The following NRBP1 variants were observed in gnomAD, a reference collection of about 807,000 sequenced individuals.
The protein encoded by NRBP1 is nuclear receptor-binding protein.
Under a neutral mutation model 76.0 loss-of-function variants are expected in NRBP1, and 10 were observed. The observed-to-expected ratio is 0.13, with a 90% CI of 0.08 to 0.22. The LOEUF (loss-of-function observed/expected upper bound fraction) is 0.22, where lower values mean the gene tolerates loss of function less well. Ranked by LOEUF, NRBP1 falls within the 10% of genes least tolerant of loss-of-function variation. The probability of loss-of-function intolerance (pLI) is 1.00; values close to 1 mark genes in which losing one functional copy is unlikely to be tolerated. For synonymous variants in NRBP1, 235 were observed against 240.2 expected (o/e 0.98, Z 0.20); for missense variants, 344 against 646.0 (o/e 0.53, Z 5.07).
rs1664185776 is a variant in NRBP1 at position 27,433,462 on chromosome 2, C to G, written c.189C>G (p.Arg63=). ...SEILEESPCG[R]WQKRREEVNQ... The stretch of plus-strand genomic sequence containing the variant: ...TTTTGGAAGAGTCGCCCTGTGGGCG[C>G]TGGCAGAAGAGGCGAGAAGAGGTAA... Residue 63 remains arginine (R), a synonymous_variant, in exon 2 of 18, where the codon CGC becomes CGG. Coordinates refer to ENST00000379852, the MANE Select transcript of NRBP1 (RefSeq NM_013392.4). The G allele has an allele frequency of 6.2e-7, 1 of 1,614,194 alleles. No individual in the cohort carries two copies. The highest frequency in any genetic ancestry group is 8.5e-7 in the Non-Finnish European group (1 of 1,180,022).
upstream of NRBP1, chr2:27,428,583 C>T (rs1222978674): frequency 2.5e-6 from 1 of 397,392 alleles, no homozygotes; most frequent in Non-Finnish European, 4.4e-6. Flanking sequence ...GGCGGTGCGG[C>T]ACCGCCCATC....
chr2:27,437,929 G>A (rs1056666174), intron 10 of NRBP1, among the ~76,000 whole-genome samples: 2 of 151,686 alleles, frequency 1.3e-5, no homozygotes, highest in Non-Finnish European at 2.9e-5. Context: ...GCTCACACCT[G>A]TAATCCCAGC....
At chr2:27,436,571 G>A (rs1014394444) in intron 7 of NRBP1, 182 bp from the exon 8 acceptor site, 6 of 592,826 alleles carry the variant, frequency 1.0e-5, no homozygotes, top group Middle Eastern at 2.8e-4. Flanking sequence ...CTAAGAAAGG[G>A]GAGGTAGGTG....
intron 7 of NRBP1, chr2:27,436,140 T>C: frequency 3.2e-6 from 1 of 308,942 alleles, no homozygotes; most frequent in Admixed American, 4.4e-5. Context: ...AGAACAGGAG[T>C]CTAAAATGTT....
At chr2:27,437,729 C>T (rs1019186429) in intron 10 of NRBP1, among the ~76,000 whole-genome samples, 2 of 151,470 alleles carry the variant, frequency 1.3e-5, no homozygotes, top group African/African-American at 4.9e-5. Context: ...AAAAATTAGC[C>T]AGGCTTGGTG....
chr2:27,436,038 G>A (rs540930390), intron 7 of NRBP1: 8 of 544,394 alleles, frequency 1.5e-5, no homozygotes, highest in East Asian at 9.4e-5. Context: ...GTGACTTGTA[G>A]TCATTGTTTA....
intron 2 of NRBP1, 50 bp from the exon 3 acceptor site, chr2:27,433,623 G>A: frequency 6.2e-7 from 1 of 1,612,260 alleles, no homozygotes; most frequent in East Asian, 2.2e-5. Flanking sequence ...TGTTAAAATG[G>A]AGGATTTGTG....
chr2:27,440,311 C>CA (rs953314271), intron 11 of NRBP1, 92 bp from the exon 12 acceptor site: 21 of 906,024 alleles, frequency 2.3e-5, no homozygotes, highest in African/African-American at 8.1e-5. Context: ...GCCAGGCCTC[C>CA]AAAGGGATTC....
At chr2:27,436,394 G>A (rs1664308479) in intron 7 of NRBP1, 1 of 223,262 alleles carries the variant, frequency 4.5e-6, no homozygotes, top group African/African-American at 2.3e-5. Flanking sequence ...CATGTGAGCA[G>A]GGATTAGAGG....
intron 3 of NRBP1, 40 bp downstream of exon 3, chr2:27,433,835 A>G (rs774082552): frequency 3.1e-6 from 5 of 1,613,712 alleles, no homozygotes; most frequent in Admixed American, 1.7e-5. Flanking sequence ...GGAATGTTGG[A>G]ACACTGATGT....
At position 27,441,267 on chromosome 2, in the gene NRBP1, C is replaced by A; in HGVS notation, c.1384C>A (p.Leu462Met). The change falls in exon 16 of 18, where the codon CTG becomes ATG. Residue 462 changes from leucine to methionine, a missense_variant and splice_region_variant. Physicochemically the swap from Leu to Met is conservative, Grantham distance 15. Around this residue, in one of 3 missense-constraint regions of NRBP1, gnomAD observed 218 missense variants for 309.8 expected, o/e 0.70. Coordinates refer to ENST00000379852, the MANE Select transcript of NRBP1 (RefSeq NM_013392.4). The part of the protein sequence containing the change: ...ESVEEGVKHH[L>M]TLLLKLEDKL... ...ATTTTCTGACTGTCCTATTCTCCAGCTGACACTTCTGCTGAAGTTGGAGGA... is the reference window on the plus strand; with the variant it reads ...ATTTTCTGACTGTCCTATTCTCCAGATGACACTTCTGCTGAAGTTGGAGGA... 1 of 1,614,094 alleles carries A rather than the reference C, an allele frequency of 6.2e-7. No individual in the cohort carries two copies. Among genetic ancestry groups the A allele is most frequent in the Non-Finnish European group, 8.5e-7 (1 of 1,180,002 alleles).
chr2:27,439,224 A>T (rs1664427351), intron 10 of NRBP1, among the ~76,000 whole-genome samples: 1 of 152,114 alleles, frequency 6.6e-6, no homozygotes, highest in African/African-American at 2.4e-5. Flanking sequence ...GCGGTGTCTC[A>T]TGCCTGTAAT....
At position 27,434,113 on chromosome 2, in the gene NRBP1, T is replaced by G. The variant is rs759234243; in HGVS notation, c.435+23T>G. The G allele has an allele frequency of 5.8e-6, 9 of 1,544,968 alleles. No homozygotes were observed. In the East Asian group the frequency reaches 2.0e-4, roughly 35 times the overall value. ...AGGGTAAGAATTTTTTCCCCATATT[T>G]CCTGAACTTATTGCAAAGAGACTAG... On this transcript the variant is annotated intron_variant, in intron 4 of 17. Transcript: ENST00000379852.
upstream of NRBP1, chr2:27,428,433 C>T (rs1336500902): frequency 1.3e-5 from 5 of 384,896 alleles, no homozygotes; most frequent in African/African-American, 6.2e-5. Flanking sequence ...CGAGCCCCAG[C>T]TGGGACCGAA....
Position 27,442,089 on chromosome 2 carries a change from C to G in NRBP1, c.*277C>G, listed in dbSNP as rs1325827629. ...GGGGCTAGTCGCTGATCTGCCGGCT[C>G]CCGCCCAGCCTGTGTGGAAAGGAGG... On this transcript the variant is annotated 3_prime_UTR_variant, in exon 18 of 18. Transcript: ENST00000379852. 1 of 531,654 alleles carries G rather than the reference C, an allele frequency of 1.9e-6. No homozygotes were observed. Among genetic ancestry groups the G allele is most frequent in the South Asian group, 2.8e-5 (1 of 35,614 alleles). 32.9% of individuals were successfully genotyped at this position (531,654 alleles called of 1,614,324 possible).
intron 5 of NRBP1, 43 bp from the exon 6 acceptor site, chr2:27,434,679 G>A (rs1275618636): frequency 1.2e-6 from 2 of 1,612,650 alleles, no homozygotes; most frequent in Non-Finnish European, 1.7e-6. Flanking sequence ...AGAGAGTTAA[G>A]AGAGGGAATT....
chr2:27,435,694 C>T (rs1205511785), intron 7 of NRBP1: 1 of 717,710 alleles, frequency 1.4e-6, no homozygotes, highest in Non-Finnish European at 2.6e-6. Context: ...TTCCTCCCTC[C>T]CGCTTACGGG....
intron 1 of NRBP1, among the ~76,000 whole-genome samples, chr2:27,432,995 T>G (rs1664163219): frequency 6.6e-6 from 1 of 152,142 alleles, no homozygotes; most frequent in Admixed American, 6.5e-5. Context: ...TTCTCCTGCC[T>G]TAGTCTCCTG....
Position 27,433,294 on chromosome 2 carries a change from G to A in NRBP1, c.21G>A (p.Gln7=), listed in dbSNP as rs774592261. 7.4e-6 allele frequency: 12 copies of A among 1,613,920 alleles called. No homozygotes were observed. Among genetic ancestry groups the A allele is most frequent in the African/African-American group, 1.3e-5 (1 of 74,938 alleles). Residue 7 remains glutamine, a synonymous_variant, in exon 2 of 18, where the codon CAG becomes CAA. Transcript: ENST00000379852. MSEGES[Q]TVLSSGSDPK... ...CCAGCATGTCGGAGGGGGAGTCCCA[G>A]ACAGTACTTAGCAGTGGCTCAGACC...
Sources: allele counts gnomAD v4.1 joint callset (sites outside exome capture counted in the v4.1 genomes callset), GRCh38; gene constraint gnomAD v4.1.1; regional missense constraint gnomAD v4.1.1; transcripts MANE v1.5; gene names NCBI Gene and HGNC (gene_info 2026-07-23, HGNC 2026-07-21).